MYT1L: variants seen among roughly 807,000 people sequenced by gnomAD.
MYT1L encodes the protein myelin transcription factor 1-like protein.
Under a neutral mutation model 126.7 loss-of-function variants are expected in MYT1L, and 12 were observed. The observed-to-expected ratio is 0.09, with a 90% confidence interval of 0.06 to 0.15. The LOEUF (loss-of-function observed/expected upper bound fraction) is 0.15. Among genes scored for constraint, MYT1L ranks in the 10% least tolerant of loss-of-function variants. MYT1L has a pLI of 1.00. For missense variants in MYT1L, 979 were observed against 1,585.2 expected (o/e 0.62, Z 6.49); for synonymous variants, 541 against 604.2 (o/e 0.90, Z 1.53).
chr2:1,839,168 T>A lies in MYT1L; in HGVS notation c.3061A>T (p.Ser1021Cys). The A allele has an allele frequency of 6.2e-7, 1 of 1,612,594 alleles. No homozygotes were observed. The highest frequency in any genetic ancestry group is 8.5e-7 in the Non-Finnish European group (1 of 1,179,650). The change falls in exon 21 of 25, where the codon AGC (serine) becomes TGC (cysteine). Residue 1021 changes from serine to cysteine, a missense_variant. Coordinates refer to ENST00000647738, the MANE Select transcript of MYT1L (RefSeq NM_001303052.2). The stretch of plus-strand genomic sequence containing the variant: ...ACTCACCTGCGGTGTGTGAGGAAGC[T>A]GCCGCTGACGTGGCCTGAGCCGTCG... ...GCDGSGHVSG[S>C]FLTHRSLSGC...
chr2:1,940,719 T>C (rs1261014354), intron 9 of MYT1L, among the ~76,000 whole-genome samples: 2 of 152,270 alleles, frequency 1.3e-5, no homozygotes, highest in African/African-American at 4.8e-5. Context: ...GGGAGCCAGC[T>C]GCTGAACATG....
chr2:1,928,986 G>C (rs1407588414), intron 9 of MYT1L, among the ~76,000 whole-genome samples: 1 of 152,078 alleles, frequency 6.6e-6, no homozygotes, highest in Non-Finnish European at 1.5e-5. Flanking sequence ...AGGGAACTGG[G>C]GGTACAGGAC....
intron 14 of MYT1L, among the ~76,000 whole-genome samples, chr2:1,893,310 C>T (rs1288211428): frequency 6.6e-6 from 1 of 152,224 alleles, no homozygotes; most frequent in African/African-American, 2.4e-5. Context: ...CCAGACATTT[C>T]TCTTGGAATC....
intron 8 of MYT1L, among the ~76,000 whole-genome samples, chr2:1,955,153 AAAAT>A (rs2058233217): frequency 6.6e-6 from 1 of 151,870 alleles, no homozygotes; most frequent in Admixed American, 6.6e-5. Flanking sequence ...AAAAAAAAAA[AAAAT>A]ATGATTCTAC....
chr2:2,126,533 G>A (rs1260410030), intron 3 of MYT1L, among the ~76,000 whole-genome samples: 3 of 152,174 alleles, frequency 2.0e-5, no homozygotes, highest in Admixed American at 6.5e-5. Context: ...GGTGGGTAGG[G>A]ATTGGCGAGC....
intron 2 of MYT1L, among the ~76,000 whole-genome samples, chr2:2,191,121 G>A (rs1044657055): frequency 6.6e-6 from 1 of 152,150 alleles, no homozygotes; most frequent in African/African-American, 2.4e-5. Flanking sequence ...GCTTGAAGAC[G>A]GCAGGGTGCA....
In MYT1L at chr2:1,826,796, A is replaced by G. The variant is rs535721362; in HGVS notation, c.3080+12353T>C. Among the ~76,000 whole-genome samples the G allele has an allele frequency of 1.3e-4, 16 of 124,060 alleles. No homozygotes were observed. In the South Asian group the frequency reaches 4.4e-3, roughly 34 times the overall value. 81.4% of individuals were successfully genotyped at this position (124,060 alleles called of 152,430 possible). A position where few individuals can be genotyped will look rare whatever the true frequency, so the allele number is the denominator to read the frequency against. On this transcript the variant is annotated intron_variant, in intron 21 of 24. Coordinates refer to ENST00000647738, the MANE Select transcript of MYT1L (RefSeq NM_001303052.2). ...CAAGTCCCTGAAGGCTTCCTTGTAA[A>G]GTGGTTCAGTAAGGCCAGTTTTCCA...
rs1050054484 is a variant in MYT1L, at chr2:1,793,326, G to T, written c.3277-862C>A. 1.3e-4 allele frequency among the ~76,000 whole-genome samples: 20 copies of T among 152,232 alleles called. No homozygotes were observed. The highest frequency in any genetic ancestry group is 1.2e-3 in the Admixed American group (19 of 15,284). ...GGACTAGCTTCACACGCAGCAGGCGGGGAGCTGCCCTGCCCATGGGGGTGT... is the reference window on the plus strand; with the variant it reads ...GGACTAGCTTCACACGCAGCAGGCGTGGAGCTGCCCTGCCCATGGGGGTGT... On this transcript the variant is annotated intron_variant, in intron 23 of 24. Transcript: ENST00000647738. This position sits in a 1 kb window ranked among gnomAD's most constrained non-coding sequence, Gnocchi z 4.6.
intron 2 of MYT1L, among the ~76,000 whole-genome samples, chr2:2,270,900 A>G (rs183362964): frequency 5.0e-4 from 76 of 150,576 alleles, no homozygotes; most frequent in Admixed American, 2.7e-3. Flanking sequence ...GCTGACGCTG[A>G]CTCTTGTTTC....
chr2:2,185,444 G>T (rs962468337), intron 2 of MYT1L, among the ~76,000 whole-genome samples: 6 of 151,802 alleles, frequency 4.0e-5, no homozygotes, highest in African/African-American at 1.5e-4. Flanking sequence ...GGGGGACGCA[G>T]CCGGGCCTCC....
intron 2 of MYT1L, among the ~76,000 whole-genome samples, chr2:2,174,621 C>T (rs2090498641): frequency 6.6e-6 from 1 of 150,674 alleles, no homozygotes; most frequent in African/African-American, 2.5e-5. Flanking sequence ...TGGGTACTCA[C>T]TGTGAGGTGG....
chr2:2,075,636 T>C (rs181944619), intron 3 of MYT1L, among the ~76,000 whole-genome samples: 4 of 152,334 alleles, frequency 2.6e-5, no homozygotes, highest in Non-Finnish European at 5.9e-5. Flanking sequence ...CTGAATAAGA[T>C]TATGTTATTC....
intron 4 of MYT1L, among the ~76,000 whole-genome samples, chr2:2,008,356 T>A (rs1023008962): frequency 6.6e-5 from 10 of 152,240 alleles, no homozygotes; most frequent in Non-Finnish European, 1.3e-4. Flanking sequence ...AATGCCCTGG[T>A]CTTCATTTGT....
chr2:2,211,005 C>G (rs1010328042), intron 2 of MYT1L, among the ~76,000 whole-genome samples: 1 of 151,982 alleles, frequency 6.6e-6, no homozygotes, highest in Non-Finnish European at 1.5e-5. Context: ...AATAGGATTG[C>G]TCTTTTGATT....
At chr2:2,170,135 A>T (rs1358732509) in intron 3 of MYT1L, among the ~76,000 whole-genome samples, 2 of 152,194 alleles carry the variant, frequency 1.3e-5, no homozygotes. Context: ...TGGGAGTAGC[A>T]CATCTGTGGA....
At chr2:2,206,849 CCTT>C (rs1178643321) in intron 2 of MYT1L, among the ~76,000 whole-genome samples, 1 of 152,104 alleles carries the variant, frequency 6.6e-6, no homozygotes, top group Admixed American at 6.6e-5. Flanking sequence ...TCATTTATGT[CCTT>C]CTTCTTCTGT....
intron 4 of MYT1L, among the ~76,000 whole-genome samples, chr2:2,011,317 G>A (rs561238513): frequency 2.6e-5 from 4 of 151,882 alleles, no homozygotes; most frequent in South Asian, 2.1e-4. Flanking sequence ...ACTTGAACCC[G>A]GGAGGCAGTG....
chr2:2,072,191 T>G (rs1207176038), intron 3 of MYT1L, among the ~76,000 whole-genome samples: 3 of 152,188 alleles, frequency 2.0e-5, no homozygotes, highest in Admixed American at 1.3e-4. Context: ...ATGTCTTTGG[T>G]GGGCTCTTGA....
At chr2:1,934,007 C>CAT (rs1301726826) in intron 9 of MYT1L, among the ~76,000 whole-genome samples, 5 of 124,532 alleles carry the variant, frequency 4.0e-5, no homozygotes, top group African/African-American at 1.6e-4. Context: ...TGGAGTCTTG[C>CAT]TCTGTCGCCC....
Sources: gnomAD v4.1 joint callset for allele counts (sites outside exome capture counted in the v4.1 genomes callset) on GRCh38, gnomAD v4.1.1 for gene constraint, Gnocchi (gnomAD v3.1) non-coding constraint, MANE v1.5 for transcripts, NCBI Gene and HGNC (gene_info 2026-07-23, HGNC 2026-07-21) for gene names.